PAM: variants seen among roughly 807,000 people sequenced by gnomAD.
PAM encodes the protein peptidyl-glycine alpha-amidating monooxygenase.
A neutral mutation model predicts 122.1 loss-of-function variants in PAM; 72 were observed. The ratio of observed to expected loss-of-function variants is 0.59; its 90% CI spans 0.49 to 0.72. The LOEUF is 0.72. Ranked by LOEUF, PAM falls within the 30% of genes least tolerant of loss-of-function variation. PAM has a pLI of 0.00. For synonymous variants in PAM, 389 were observed against 404.4 expected (o/e 0.96, Z 0.46); for missense variants, 1,106 against 1,183.7 (o/e 0.93, Z 0.96).
chr5:102,948,396 C>A lies in PAM; in HGVS notation c.594C>A (p.Gly198=). Residue 198 remains glycine, a synonymous_variant, in exon 9 of 26, where the codon GGC becomes GGA. Coordinates refer to ENST00000438793, the MANE Select transcript of PAM (RefSeq NM_001177306.2). Reference sequence around the variant, plus strand: ...TCTGCAGACAGCCTTTAATTGCTGGCATGTACCTTATGATGTCTGTTGACA... The same window carrying A: ...TCTGCAGACAGCCTTTAATTGCTGGAATGTACCTTATGATGTCTGTTGACA... The part of the protein sequence containing the change: ...LTRLPQPLIA[G]MYLMMSVDTV... 6.3e-7 allele frequency: 1 copy of A among 1,588,028 alleles called. No individual in the cohort carries two copies. Among genetic ancestry groups the A allele is most frequent in the Non-Finnish European group, 8.6e-7 (1 of 1,159,210 alleles).
chr5:102,871,103 A>T (rs991094543), intron 3 of PAM, among the ~76,000 whole-genome samples: 3 of 152,214 alleles, frequency 2.0e-5, no homozygotes, highest in Non-Finnish European at 2.9e-5. Context: ...AAACAGATGC[A>T]TTGGGGCTGG....
intron 1 of PAM, among the ~76,000 whole-genome samples, chr5:102,842,876 G>C (rs1778990650): frequency 6.6e-6 from 1 of 152,142 alleles, no homozygotes; most frequent in Non-Finnish European, 1.5e-5. Context: ...TTCTCCATTT[G>C]ATATATACAA....
intron 7 of PAM, among the ~76,000 whole-genome samples, chr5:102,945,658 C>T (rs957776480): frequency 6.6e-6 from 1 of 151,976 alleles, no homozygotes; most frequent in Admixed American, 6.6e-5. Flanking sequence ...TTCTCCCCCC[C>T]TCTCTCCTTT....
chr5:102,847,566 A>AC (rs1780263224), intron 1 of PAM, among the ~76,000 whole-genome samples: 1 of 152,222 alleles, frequency 6.6e-6, no homozygotes, highest in South Asian at 2.1e-4. Context: ...GGGAAAAAAA[A>AC]ATTTAGTAAA....
intron 3 of PAM, among the ~76,000 whole-genome samples, chr5:102,887,272 C>T (rs998026377): frequency 2.0e-5 from 3 of 151,880 alleles, no homozygotes; most frequent in African/African-American, 7.2e-5. Context: ...ATGCGTTGTT[C>T]GAAATTGTGC....
intron 1 of PAM, among the ~76,000 whole-genome samples, chr5:102,817,286 A>T (rs1464402463): frequency 6.6e-6 from 1 of 152,132 alleles, no homozygotes; most frequent in African/African-American, 2.4e-5. Context: ...AAAAAGAAAT[A>T]CTTCATCACT....
intron 16 of PAM, among the ~76,000 whole-genome samples, chr5:102,996,546 G>A (rs568285798): frequency 6.6e-6 from 1 of 152,136 alleles, no homozygotes; most frequent in Non-Finnish European, 1.5e-5. Context: ...GGGGGACTGT[G>A]ATTTTCTCAT....
intron 1 of PAM, among the ~76,000 whole-genome samples, chr5:102,779,759 C>T (rs1179933846): frequency 6.6e-6 from 1 of 151,556 alleles, no homozygotes; most frequent in Admixed American, 6.6e-5. Flanking sequence ...GTTTCCTGCC[C>T]TCAAACATCA....
chr5:102,974,037 T>C (rs1047531925), intron 14 of PAM, 79 bp from the exon 15 acceptor site: 2 of 911,488 alleles, frequency 2.2e-6, no homozygotes, highest in Non-Finnish European at 1.7e-6. Flanking sequence ...TGAGTAGATA[T>C]TTTTTAAAGC....
chr5:102,827,438 T>C (rs1302859549), intron 1 of PAM, among the ~76,000 whole-genome samples: 1 of 77,934 alleles, frequency 1.3e-5, no homozygotes, highest in African/African-American at 5.5e-5. Context: ...AACATTTTAG[T>C]ATTTTTTTTA....
chr5:102,992,623 CCTT>C (rs1414606426), intron 16 of PAM, among the ~76,000 whole-genome samples: 14 of 151,762 alleles, frequency 9.2e-5, no homozygotes, highest in African/African-American at 3.4e-4. Flanking sequence ...TTTTTTTTGT[CCTT>C]CATTAAAAAT....
At chr5:102,804,342 C>T (rs2150126024) in intron 1 of PAM, among the ~76,000 whole-genome samples, 1 of 152,098 alleles carries the variant, frequency 6.6e-6, no homozygotes, top group Non-Finnish European at 1.5e-5. Context: ...AGGGGCGAGA[C>T]ACTGGAGTCA....
rs548952386 is a variant in PAM at position 102,794,929 on chromosome 5, C to T, written c.-374+39581C>T. Among the ~76,000 whole-genome samples the T allele has an allele frequency of 2.1e-3, 302 of 144,300 alleles. 1 individual carries two copies. Among genetic ancestry groups the T allele is most frequent in the African/African-American group, 7.7e-3 (296 of 38,324 alleles). 94.7% of individuals were successfully genotyped at this position (144,300 alleles called of 152,430 possible). The stretch of plus-strand genomic sequence containing the variant: ...TTGGGGCCAGGTGCGGTGGCTCACA[C>T]CTGTAATCCTAGCACTCTGGCAGGC... On this transcript the variant is annotated intron_variant, in intron 1 of 25. Coordinates refer to ENST00000438793, the MANE Select transcript of PAM (RefSeq NM_001177306.2).
At chr5:102,820,568 A>C (rs1225002482) in intron 1 of PAM, among the ~76,000 whole-genome samples, 1 of 152,176 alleles carries the variant, frequency 6.6e-6, no homozygotes, top group Non-Finnish European at 1.5e-5. Flanking sequence ...AAGAAGAAAA[A>C]AAGATAACTA....
intron 5 of PAM, among the ~76,000 whole-genome samples, chr5:102,917,837 TAC>T (rs1354198973): frequency 6.6e-6 from 1 of 152,208 alleles, no homozygotes; most frequent in African/African-American, 2.4e-5. Flanking sequence ...AAAATATATT[TAC>T]AGTTATATTA....
chr5:102,943,883 C>A (rs944338482), intron 7 of PAM, among the ~76,000 whole-genome samples: 4 of 152,156 alleles, frequency 2.6e-5, no homozygotes, highest in African/African-American at 7.2e-5. Flanking sequence ...CATTCAGTTT[C>A]ATCTTCCTTA....
intron 1 of PAM, among the ~76,000 whole-genome samples, chr5:102,857,590 A>G (rs1782975729): frequency 6.6e-6 from 1 of 152,154 alleles, no homozygotes; most frequent in South Asian, 2.1e-4. Flanking sequence ...TGGAAAAAAG[A>G]CTAGGTGCGT....
At chr5:102,905,885 C>G (rs936661325) in intron 4 of PAM, among the ~76,000 whole-genome samples, 2 of 151,636 alleles carry the variant, frequency 1.3e-5, no homozygotes, top group Admixed American at 1.3e-4. Flanking sequence ...ACCAATCACC[C>G]TGGAAAACAC....
intron 1 of PAM, among the ~76,000 whole-genome samples, chr5:102,863,101 T>A (rs1224475951): frequency 1.4e-5 from 2 of 145,216 alleles, no homozygotes; most frequent in Non-Finnish European, 2.9e-5. Context: ...TACCTACTAA[T>A]ACTCCTCCTG....
Sources: allele counts gnomAD v4.1 joint callset (sites outside exome capture counted in the v4.1 genomes callset), GRCh38; gene constraint gnomAD v4.1.1; transcripts MANE v1.5; gene names NCBI Gene and HGNC (gene_info 2026-07-23, HGNC 2026-07-21).